CHST13: variants seen among roughly 807,000 people sequenced by gnomAD.
CHST13 encodes C4ST-3.
In CHST13, 1 loss-of-function variant was observed where a neutral mutation model predicts 7.0. The observed-to-expected ratio is 0.14, with a 90% CI of 0.05 to 0.68. The LOEUF (loss-of-function observed/expected upper bound fraction) is 0.68. Ranked by LOEUF, CHST13 falls within the 30% of genes least tolerant of loss-of-function variation. The pLI, the probability that CHST13 is intolerant of heterozygous loss-of-function variation, is 0.82. For missense variants in CHST13, 572 were observed against 507.9 expected, an observed-to-expected ratio of 1.13 and a Z score of -1.21; for synonymous variants, 257 against 240.9, an observed-to-expected ratio of 1.07 and a Z score of -0.62.
At chr3:126,537,006 G>T (rs1364064000) in intron 2 of CHST13, among the ~76,000 whole-genome samples, 6 of 152,140 alleles carry the variant, frequency 3.9e-5, no homozygotes, top group African/African-American at 1.2e-4. Context: ...CTGAGATCCA[G>T]CAGCAAGCAG....
At chr3:126,528,532 T>A (rs1165642948) in intron 1 of CHST13, among the ~76,000 whole-genome samples, 1 of 151,946 alleles carries the variant, frequency 6.6e-6, no homozygotes, top group Non-Finnish European at 1.5e-5. Context: ...ATCACCAAGG[T>A]GGGGCGAGGA....
intron 2 of CHST13, 115 bp downstream of exon 2, chr3:126,536,468 G>A: frequency 1.3e-6 from 1 of 745,176 alleles, no homozygotes; most frequent in Non-Finnish European, 2.2e-6. Context: ...GGCACAGAAG[G>A]GCATCCTCCC....
chr3:126,542,394 C>A lies in CHST13; in HGVS notation c.842C>A (p.Ala281Glu), dbSNP rs765821914. 2 of 1,553,536 alleles carry A rather than the reference C, an allele frequency of 1.3e-6. No homozygotes were observed. Among genetic ancestry groups the A allele is most frequent in the South Asian group, 1.2e-5 (1 of 84,050 alleles). ...GACGCGGCCTTCGTGCTGGGCCTGG[C>A]GGGCGCATCCGACCTGAGCTTCCCT... ...AEDAAFVLGL[A>E]GASDLSFPGP... The change falls in exon 3 of 3, where the codon GCG becomes GAG. Residue 281 changes from alanine to glutamate, a missense_variant. By Grantham distance (107) the Ala-to-Glu change is moderately radical. Transcript: ENST00000319340.
chr3:126,535,316 C>T (rs1200414313), intron 1 of CHST13, among the ~76,000 whole-genome samples: 1 of 151,020 alleles, frequency 6.6e-6, no homozygotes, highest in Non-Finnish European at 1.5e-5. Context: ...TGTCCTCAGC[C>T]AGGAGACAGA....
At chr3:126,541,567 G>A (rs1936956585) in intron 2 of CHST13, among the ~76,000 whole-genome samples, 166 bp from the exon 3 acceptor site, 1 of 152,162 alleles carries the variant, frequency 6.6e-6, no homozygotes, top group Non-Finnish European at 1.5e-5. Context: ...CAGATGCCCG[G>A]GCCCTAAACC....
chr3:126,537,878 TGGGGAGG>T (rs1936831174), intron 2 of CHST13, among the ~76,000 whole-genome samples: 1 of 152,148 alleles, frequency 6.6e-6, no homozygotes, highest in Non-Finnish European at 1.5e-5. Flanking sequence ...GACACAGGCA[TGGGGAGG>T]CAAGTGCCCT....
rs1340465489 is a variant in CHST13, at chr3:126,542,143, G to A, written c.591G>A (p.Gln197=). The A allele has an allele frequency of 6.4e-6, 10 of 1,560,874 alleles. No individual in the cohort carries two copies. The Admixed American group carries it at 1.6e-4, about 25-fold the overall frequency. The change falls in exon 3 of 3, where the codon CAG becomes CAA. Residue 197 remains glutamine, a synonymous_variant. Transcript: ENST00000319340. ...KLARPYSAAF[Q]RRYGARIVQR... Reference sequence around the variant, plus strand: ...CGCGCCCCTACAGCGCCGCCTTCCAGAGGCGCTACGGTGCACGCATCGTTC... The same window carrying A: ...CGCGCCCCTACAGCGCCGCCTTCCAAAGGCGCTACGGTGCACGCATCGTTC...
At chr3:126,541,339 A>G (rs1046306713) in intron 2 of CHST13, among the ~76,000 whole-genome samples, 3 of 152,204 alleles carry the variant, frequency 2.0e-5, no homozygotes, top group African/African-American at 4.8e-5. Flanking sequence ...GCAGTTTTCA[A>G]TTGGGTGTGG....
chr3:126,528,640 G>A (rs1452741461), intron 1 of CHST13, among the ~76,000 whole-genome samples: 7 of 152,180 alleles, frequency 4.6e-5, no homozygotes, highest in African/African-American at 1.7e-4. Flanking sequence ...CAGGGAAGGT[G>A]GAAGTGGGGT....
chr3:126,542,693 C>G lies in CHST13; in HGVS notation c.*115C>G, dbSNP rs1576239443. 11 of 1,343,368 alleles carry G rather than the reference C, an allele frequency of 8.2e-6. 1 individual carries two copies. In the Admixed American group the frequency reaches 4.0e-4, roughly 49 times the overall value. 83.2% of individuals were successfully genotyped at this position (1,343,368 alleles called of 1,614,324 possible). A position where few individuals can be genotyped will look rare whatever the true frequency, so the allele number is the denominator to read the frequency against. On this transcript the variant is annotated 3_prime_UTR_variant, in exon 3 of 3. Transcript: ENST00000319340. Reference sequence around the variant, plus strand: ...CTTCAAGAGCCACTGCGTGCACTCACCTGGCCGCCGGGCCAGCGGGCGCAG... The same window carrying G: ...CTTCAAGAGCCACTGCGTGCACTCAGCTGGCCGCCGGGCCAGCGGGCGCAG...
intron 2 of CHST13, among the ~76,000 whole-genome samples, chr3:126,539,772 AG>A (rs1267722209): frequency 3.2e-5 from 2 of 63,468 alleles, no homozygotes; most frequent in African/African-American, 7.6e-5. Flanking sequence ...CCACACACAC[AG>A]CACACACACA....
chr3:126,532,617 C>T (rs747763427), intron 1 of CHST13, among the ~76,000 whole-genome samples: 9 of 152,246 alleles, frequency 5.9e-5, no homozygotes, highest in Non-Finnish European at 1.3e-4. Context: ...AGTGCTATTT[C>T]ATTCATCTAT....
intron 1 of CHST13, among the ~76,000 whole-genome samples, chr3:126,530,167 C>T (rs528422567): frequency 6.6e-6 from 1 of 152,352 alleles, no homozygotes; most frequent in South Asian, 2.1e-4. Flanking sequence ...GTCTGCAGGG[C>T]CCAGGCTCCT....
chr3:126,540,806 A>T (rs1936942221), intron 2 of CHST13, among the ~76,000 whole-genome samples: 1 of 152,118 alleles, frequency 6.6e-6, no homozygotes, highest in Non-Finnish European at 1.5e-5. Context: ...CAGCAACGGC[A>T]CCCCTTTACA....
At chr3:126,537,534 C>G (rs1051770286) in intron 2 of CHST13, among the ~76,000 whole-genome samples, 1 of 152,130 alleles carries the variant, frequency 6.6e-6, no homozygotes, top group Non-Finnish European at 1.5e-5. Flanking sequence ...CTCATCTGGC[C>G]CAAGCCTACA....
intron 2 of CHST13, among the ~76,000 whole-genome samples, chr3:126,540,678 C>A (rs1482754507): frequency 1.3e-5 from 2 of 152,206 alleles, no homozygotes; most frequent in Non-Finnish European, 2.9e-5. Context: ...GTGCTATGAA[C>A]TTCATGGACA....
intron 1 of CHST13, chr3:126,529,227 G>A (rs541092043): frequency 2.9e-5 from 28 of 965,064 alleles, no homozygotes; most frequent in East Asian, 6.1e-5. Flanking sequence ...TGTTTCACCC[G>A]GTATCTTGAT....
At chr3:126,536,926 C>A (rs1008853114) in intron 2 of CHST13, among the ~76,000 whole-genome samples, 2 of 149,048 alleles carry the variant, frequency 1.3e-5, no homozygotes, top group African/African-American at 2.5e-5. Context: ...CACACACACC[C>A]CACACACACA....
chr3:126,527,739 TG>T (rs1206802158), intron 1 of CHST13: 2 of 152,130 alleles, frequency 1.3e-5, no homozygotes, highest in African/African-American at 4.8e-5. Context: ...GGAGCCAAAT[TG>T]GTAGATGCTC....
Sources: allele counts gnomAD v4.1 joint callset (sites outside exome capture counted in the v4.1 genomes callset), GRCh38; gene constraint gnomAD v4.1.1; transcripts MANE v1.5; gene names NCBI Gene and HGNC (gene_info 2026-07-23, HGNC 2026-07-21).